The following PCLO variants were observed in gnomAD, a reference collection of about 807,000 sequenced individuals.
PCLO encodes the protein piccolo presynaptic cytomatrix protein.
A neutral mutation model predicts 427.5 loss-of-function variants in PCLO; 82 were observed. That is an observed-to-expected ratio of 0.19 (90% CI 0.16 to 0.23). The LOEUF (loss-of-function observed/expected upper bound fraction) is 0.23. Among genes scored for constraint, PCLO ranks in the 10% least tolerant of loss-of-function variants. PCLO has a pLI of 1.00. For missense variants in PCLO, 6,239 were observed against 6,115.9 expected, an observed-to-expected ratio of 1.02 and a Z score of -0.67; for synonymous variants, 2,357 against 2,155.4, an observed-to-expected ratio of 1.09 and a Z score of -2.59.
At chr7:82,768,417 T>C (rs1287293708) in intron 22 of PCLO, among the ~76,000 whole-genome samples, 1 of 146,852 alleles carries the variant, frequency 6.8e-6, no homozygotes, top group Non-Finnish European at 1.5e-5. Flanking sequence ...AGTGAGACTC[T>C]GTCTCAAAAA....
At chr7:83,124,880 G>C (rs569135985) in intron 3 of PCLO, among the ~76,000 whole-genome samples, 4 of 152,036 alleles carry the variant, frequency 2.6e-5, no homozygotes, top group African/African-American at 7.2e-5. Context: ...TCAGCCTGCC[G>C]AGTGCCTGGG....
At chr7:83,004,227 T>G (rs1787892144) in intron 3 of PCLO, among the ~76,000 whole-genome samples, 1 of 151,606 alleles carries the variant, frequency 6.6e-6, no homozygotes, top group Non-Finnish European at 1.5e-5. Flanking sequence ...TCAACAAAGG[T>G]ATAGGTATCA....
At chr7:83,140,547 T>A (rs888942747) in intron 2 of PCLO, among the ~76,000 whole-genome samples, 3 of 152,142 alleles carry the variant, frequency 2.0e-5, no homozygotes, top group Non-Finnish European at 4.4e-5. Flanking sequence ...ACTTTAAGCA[T>A]CAGTTATGTT....
intron 3 of PCLO, among the ~76,000 whole-genome samples, chr7:83,050,409 T>C (rs1012897004): frequency 2.0e-5 from 3 of 151,758 alleles, no homozygotes; most frequent in African/African-American, 7.3e-5. Context: ...TATTATTTCT[T>C]GGCTTCAAAC....
chr7:82,988,897 C>G (rs1313820906), intron 3 of PCLO, among the ~76,000 whole-genome samples: 4 of 150,800 alleles, frequency 2.7e-5, no homozygotes, highest in Admixed American at 6.6e-5. Context: ...TGCAGTGGCG[C>G]GATCTCGGCT....
chr7:82,873,503 T>G (rs553249878), intron 10 of PCLO, among the ~76,000 whole-genome samples: 1 of 152,248 alleles, frequency 6.6e-6, no homozygotes, highest in African/African-American at 2.4e-5. Context: ...ACATCAAACC[T>G]TGCGCCTACT....
intron 3 of PCLO, among the ~76,000 whole-genome samples, chr7:83,050,227 A>AAAAAAAC (rs1583957588): frequency 8.2e-5 from 7 of 85,620 alleles, no homozygotes; most frequent in Non-Finnish European, 1.9e-4. Context: ...AAAAAAAAAA[A>AAAAAAAC]AAAAAAAAAA....
At chr7:82,983,991 A>T (rs988042399) in intron 3 of PCLO, among the ~76,000 whole-genome samples, 1 of 151,934 alleles carries the variant, frequency 6.6e-6, no homozygotes, top group Non-Finnish European at 1.5e-5. Context: ...GCTTCATTTG[A>T]CACTCTGTTG....
At chr7:82,939,443 T>C (rs1031702936) in intron 6 of PCLO, among the ~76,000 whole-genome samples, 2 of 151,862 alleles carry the variant, frequency 1.3e-5, no homozygotes, top group Non-Finnish European at 2.9e-5. Flanking sequence ...GTAATCTCTA[T>C]TGTGTTTTGT....
chr7:83,057,976 T>C (rs896793593), intron 3 of PCLO, among the ~76,000 whole-genome samples: 2 of 152,126 alleles, frequency 1.3e-5, no homozygotes, highest in Non-Finnish European at 2.9e-5. Context: ...GGACAAAATG[T>C]ATGACTGTCT....
chr7:83,156,555 T>C (rs955883966), intron 1 of PCLO, among the ~76,000 whole-genome samples, 163 bp from the exon 2 acceptor site: 4 of 151,988 alleles, frequency 2.6e-5, no homozygotes, highest in African/African-American at 9.7e-5. Context: ...CATAAAAGTT[T>C]TAATGCTTTT....
chr7:82,772,378 C>T (rs1790665542), intron 22 of PCLO, among the ~76,000 whole-genome samples: 1 of 151,906 alleles, frequency 6.6e-6, no homozygotes, highest in Non-Finnish European at 1.5e-5. Context: ...TATATCAGAG[C>T]CTCTATTATT....
chr7:83,082,658 C>T (rs1790131744), intron 3 of PCLO, among the ~76,000 whole-genome samples: 1 of 151,616 alleles, frequency 6.6e-6, no homozygotes, highest in Non-Finnish European at 1.5e-5. Context: ...ATGCTCCTAA[C>T]ACAAAGAAAT....
intron 22 of PCLO, among the ~76,000 whole-genome samples, chr7:82,794,778 A>G (rs112147888): frequency 0.011 from 1,728 of 151,958 alleles, 16 homozygotes; most frequent in Middle Eastern, 0.024. Context: ...CTGGCTCTCC[A>G]GTTTATAATT....
chr7:82,915,721 G>A lies in PCLO; in HGVS notation c.12265C>T (p.Gln4089Ter). 1 of 1,612,386 alleles carries A rather than the reference G, an allele frequency of 6.2e-7. No individual in the cohort carries two copies. The highest frequency in any genetic ancestry group is 8.5e-7 in the Non-Finnish European group (1 of 1,179,138). Residue 4089 changes from glutamine to a stop codon, truncating the protein, a stop_gained, in exon 7 of 25, where the codon CAA (glutamine) becomes TAA (stop). Coordinates refer to ENST00000333891, the MANE Select transcript of PCLO (RefSeq NM_033026.6). LOFTEE classifies it high-confidence loss of function. The part of the protein sequence containing the change: ...LLRTTETRRS[Q>*]EVTDFLAPLQ... Reference sequence around the variant, plus strand: ...GGTGCTAGGAAATCTGTCACTTCTTGAGACCGGCGTGTCTCAGTGGTTCGA... The same window carrying A: ...GGTGCTAGGAAATCTGTCACTTCTTAAGACCGGCGTGTCTCAGTGGTTCGA...
intron 3 of PCLO, among the ~76,000 whole-genome samples, chr7:82,979,937 G>T (rs1417278353): frequency 6.6e-6 from 1 of 152,044 alleles, no homozygotes; most frequent in Non-Finnish European, 1.5e-5. Context: ...TGAATAAAGG[G>T]CCTAAGTTCA....
At chr7:82,812,515 T>C (rs546195409) in intron 20 of PCLO, among the ~76,000 whole-genome samples, 1 of 151,554 alleles carries the variant, frequency 6.6e-6, no homozygotes, top group African/African-American at 2.4e-5. Context: ...ATTAAAATTG[T>C]ATAGTAAATA....
At chr7:82,778,771 A>G (rs1790809570) in intron 22 of PCLO, among the ~76,000 whole-genome samples, 1 of 152,000 alleles carries the variant, frequency 6.6e-6, no homozygotes, top group African/African-American at 2.4e-5. Context: ...TTTTATAAAT[A>G]AAGTTTCCTG....
chr7:82,836,057 C>G (rs570494131), intron 15 of PCLO, among the ~76,000 whole-genome samples: 1 of 152,200 alleles, frequency 6.6e-6, no homozygotes, highest in East Asian at 1.9e-4. Flanking sequence ...TTCTCCATTT[C>G]ACCATGGTTC....
Sources: gnomAD v4.1 joint callset for allele counts (sites outside exome capture counted in the v4.1 genomes callset) on GRCh38, gnomAD v4.1.1 for gene constraint, MANE v1.5 for transcripts, NCBI Gene and HGNC (gene_info 2026-07-23, HGNC 2026-07-21) for gene names.